The following FSHR variants were observed in gnomAD, a reference collection of about 807,000 sequenced individuals.
The protein encoded by FSHR is follicle-stimulating hormone receptor.
In FSHR, 46 loss-of-function variants were observed where a neutral mutation model predicts 52.1. The observed-to-expected ratio is 0.88, with a 90% CI of 0.70 to 1.13. FSHR has a LOEUF of 1.13. FSHR is among the 50% of genes most tolerant of loss of function. The pLI is 0.00. For synonymous variants in FSHR, 399 were observed against 309.6 expected, an observed-to-expected ratio of 1.29 and a Z score of -3.03; for missense variants, 964 against 834.6, an observed-to-expected ratio of 1.16 and a Z score of -1.91.
At chr2:49,064,950 G>A (rs72820202) in intron 2 of FSHR, among the ~76,000 whole-genome samples, 7,662 of 152,218 alleles carry the variant, frequency 0.05, 425 homozygotes, top group East Asian at 0.21. Context: ...CAGAGGGACA[G>A]CATCTACATA....
At chr2:49,101,582 G>A (rs1326742446) in intron 1 of FSHR, among the ~76,000 whole-genome samples, 1 of 152,180 alleles carries the variant, frequency 6.6e-6, no homozygotes. Context: ...AAGTGTGGGG[G>A]TATGGTTCAG....
At chr2:49,026,241 T>C (rs1233475386) in intron 2 of FSHR, among the ~76,000 whole-genome samples, 3 of 152,228 alleles carry the variant, frequency 2.0e-5, no homozygotes, top group African/African-American at 7.2e-5. Context: ...AACGATTGTG[T>C]TCATTTTTAG....
chr2:48,969,492 C>A (rs1030158913), intron 8 of FSHR, among the ~76,000 whole-genome samples: 3 of 152,156 alleles, frequency 2.0e-5, no homozygotes, highest in Non-Finnish European at 1.5e-5. Context: ...AGATTTATGA[C>A]CTTGGTCAAG....
intron 2 of FSHR, among the ~76,000 whole-genome samples, chr2:49,060,080 C>T (rs909811959): frequency 3.3e-5 from 5 of 151,966 alleles, no homozygotes; most frequent in African/African-American, 1.2e-4. Context: ...ATATAAATGG[C>T]CAACACATAT....
intron 1 of FSHR, among the ~76,000 whole-genome samples, chr2:49,101,358 A>G (rs1311312903): frequency 6.6e-6 from 1 of 152,152 alleles, no homozygotes; most frequent in Non-Finnish European, 1.5e-5. Flanking sequence ...GAGTCCCTCC[A>G]GAACTGGGAG....
chr2:49,098,593 T>G (rs1347203011), intron 1 of FSHR, among the ~76,000 whole-genome samples: 1 of 151,648 alleles, frequency 6.6e-6, no homozygotes, highest in Non-Finnish European at 1.5e-5. Flanking sequence ...CTATGCCAGG[T>G]TACAGAGATT....
chr2:49,107,130 CT>C (rs1300534313), intron 1 of FSHR, among the ~76,000 whole-genome samples: 1 of 152,154 alleles, frequency 6.6e-6, no homozygotes, highest in African/African-American at 2.4e-5. Context: ...CCTGTATGAT[CT>C]GGCTCCTGCT....
intron 9 of FSHR, among the ~76,000 whole-genome samples, chr2:48,965,361 G>A (rs1486129147): frequency 6.6e-6 from 1 of 152,132 alleles, no homozygotes; most frequent in Admixed American, 6.5e-5. Context: ...TGGCCTAAGG[G>A]ATTCTTTTTG....
chr2:49,127,892 C>A (rs1419785979), intron 1 of FSHR, among the ~76,000 whole-genome samples: 1 of 24,142 alleles, frequency 4.1e-5, no homozygotes, highest in South Asian at 1.8e-3. Context: ...TCTTCTTCTT[C>A]TTCTTCTTTT....
chr2:49,077,676 A>C (rs895403495), intron 1 of FSHR, among the ~76,000 whole-genome samples: 1 of 152,162 alleles, frequency 6.6e-6, no homozygotes, highest in African/African-American at 2.4e-5. Context: ...ATAAAACTGA[A>C]TGTCTTCAAC....
chr2:49,089,791 T>C (rs1454951302), intron 1 of FSHR, among the ~76,000 whole-genome samples: 1 of 152,136 alleles, frequency 6.6e-6, no homozygotes, highest in African/African-American at 2.4e-5. Context: ...TTAAAAGGGG[T>C]CTTTGCACTA....
At chr2:49,065,233 C>G (rs760175419) in intron 2 of FSHR, among the ~76,000 whole-genome samples, 1 of 152,032 alleles carries the variant, frequency 6.6e-6, no homozygotes, top group African/African-American at 2.4e-5. Flanking sequence ...CGAGGAAGAT[C>G]CCTAGAAGTT....
chr2:49,086,953 A>T (rs766223250), intron 1 of FSHR, among the ~76,000 whole-genome samples: 6 of 152,056 alleles, frequency 3.9e-5, no homozygotes, highest in Non-Finnish European at 8.8e-5. Flanking sequence ...TTATTTTAAA[A>T]GATACTCATG....
intron 6 of FSHR, 52 bp downstream of exon 6, chr2:48,988,925 A>G: frequency 6.8e-7 from 1 of 1,462,456 alleles, no homozygotes; most frequent in Admixed American, 1.7e-5. Flanking sequence ...GAAAGAGATC[A>G]CTAAATGAAA....
At chr2:49,054,143 T>A (rs1276968312) in intron 2 of FSHR, among the ~76,000 whole-genome samples, 1 of 152,226 alleles carries the variant, frequency 6.6e-6, no homozygotes, top group African/African-American at 2.4e-5. Context: ...TTAAGCCTGT[T>A]TTCTTATCTA....
At chr2:49,067,611 C>G (rs1669556305) in intron 2 of FSHR, among the ~76,000 whole-genome samples, 1 of 152,026 alleles carries the variant, frequency 6.6e-6, no homozygotes, top group Non-Finnish European at 1.5e-5. Flanking sequence ...AGGATTTGCT[C>G]TTTTACTATT....
chr2:48,976,543 T>C (rs1473965279), intron 8 of FSHR, among the ~76,000 whole-genome samples: 1 of 152,218 alleles, frequency 6.6e-6, no homozygotes, highest in Non-Finnish European at 1.5e-5. Context: ...TTTGGAATAG[T>C]TTCAGAAGGA....
At chr2:49,079,798 C>G (rs955392003) in intron 1 of FSHR, among the ~76,000 whole-genome samples, 1 of 151,898 alleles carries the variant, frequency 6.6e-6, no homozygotes, top group Non-Finnish European at 1.5e-5. Flanking sequence ...AATAAAATGT[C>G]TGTTCAGAAG....
chr2:49,057,961 T>C (rs2104317807), intron 2 of FSHR, among the ~76,000 whole-genome samples: 1 of 152,280 alleles, frequency 6.6e-6, no homozygotes, highest in East Asian at 1.9e-4. Context: ...TTGGTAAAAT[T>C]CAACATGCTT....
Sources: gnomAD v4.1 joint callset for allele counts (sites outside exome capture counted in the v4.1 genomes callset) on GRCh38, gnomAD v4.1.1 for gene constraint, MANE v1.5 for transcripts, NCBI Gene and HGNC (gene_info 2026-07-23, HGNC 2026-07-21) for gene names.